The following EFNB2 variants were observed in gnomAD, a reference collection of about 807,000 sequenced individuals.
EFNB2 encodes ephrin-B2.
EFNB2 carries 5 observed loss-of-function variants against 32.1 expected under a neutral mutation model. The ratio of observed to expected loss-of-function variants is 0.16; its 90% CI spans 0.08 to 0.33. EFNB2 has a LOEUF of 0.33. EFNB2 is among the 10% of genes least tolerant of loss of function. EFNB2 has a pLI of 1.00. For synonymous variants in EFNB2, 168 were observed against 166.5 expected (o/e 1.01, Z -0.07); for missense variants, 263 against 422.6 (o/e 0.62, Z 3.31).
rs916300767 is a variant in EFNB2, at chr13:106,523,846, A to G, written c.122+10997T>C. Among the ~76,000 whole-genome samples the G allele has an allele frequency of 9.9e-5, 15 of 152,284 alleles. 2 individuals carry two copies. The highest frequency in any genetic ancestry group is 9.2e-4 in the Admixed American group (14 of 15,298). Reference sequence around the variant, plus strand: ...CACGGATCCCAAAATCCAAAATAAAATGGCATTTAATTGTGACTAGACTCT... The same window carrying G: ...CACGGATCCCAAAATCCAAAATAAAGTGGCATTTAATTGTGACTAGACTCT... On this transcript the variant is annotated intron_variant, in intron 1 of 4. Transcript: ENST00000646441.
At chr13:106,494,805 T>TCTG (rs1175357748) in intron 4 of EFNB2, 76 bp downstream of exon 4, 2 of 1,159,504 alleles carry the variant, frequency 1.7e-6, no homozygotes, top group Non-Finnish European at 2.6e-6. Context: ...GTCTTTAGAC[T>TCTG]CTGCCCTACC....
chr13:106,495,914 A>G, intron 2 of EFNB2, 74 bp from the exon 3 acceptor site: 2 of 1,369,142 alleles, frequency 1.5e-6, no homozygotes, highest in Non-Finnish European at 2.0e-6. Flanking sequence ...GTTTACATGA[A>G]CATGAAATGT....
At chr13:106,511,637 T>C (rs1217719832) in intron 2 of EFNB2, among the ~76,000 whole-genome samples, 2 of 152,196 alleles carry the variant, frequency 1.3e-5, no homozygotes, top group Non-Finnish European at 2.9e-5. Context: ...CTGAAGTCTA[T>C]GGTAACCAAG....
At chr13:106,495,284 T>A (rs1403099086) in intron 3 of EFNB2, among the ~76,000 whole-genome samples, 1 of 152,244 alleles carries the variant, frequency 6.6e-6, no homozygotes, top group Non-Finnish European at 1.5e-5. Flanking sequence ...GATTGACTAC[T>A]ATACCAATTT....
Position 106,493,336 on chromosome 13 carries a change from T to C in EFNB2, c.706A>G (p.Ile236Val), listed in dbSNP as rs1181576254. The C allele has an allele frequency of 1.2e-6, 2 of 1,614,166 alleles. No homozygotes were observed. Among genetic ancestry groups the C allele is most frequent in the Non-Finnish European group, 1.7e-6 (2 of 1,180,032 alleles). ...GTGATGATGATGACGATGAAGATGA[T>C]GCATCCTGAAGCAATCCCTGCAAAT... Reference protein sequence around the residue: ...ALFAGIASGCIIFIVIIITLV... With the variant: ...ALFAGIASGCVIFIVIIITLV... The change falls in exon 5 of 5, where the codon ATC becomes GTC. Residue 236 changes from isoleucine to valine, a missense_variant. Physicochemically the swap from Ile to Val is conservative, Grantham distance 29. Coordinates refer to ENST00000646441, the MANE Select transcript of EFNB2 (RefSeq NM_004093.4). The surrounding 1 kb of genome is among the most constrained non-coding windows in gnomAD (Gnocchi z 6.1).
rs746919388 is a variant in EFNB2 at position 106,493,304 on chromosome 13, C to A, written c.738G>T (p.Val246=). ...TCCTCCGGTACTTCAGCAAGAGGACCACCAGCGTGATGATGATGACGATGA... is the reference window on the plus strand; with the variant it reads ...TCCTCCGGTACTTCAGCAAGAGGACAACCAGCGTGATGATGATGACGATGA... ...IIFIVIIITL[V]VLLLKYRRRH... The change falls in exon 5 of 5, where the codon GTG becomes GTT. Residue 246 remains valine (V), a synonymous_variant. Transcript: ENST00000646441. This position sits in a 1 kb window ranked among gnomAD's most constrained non-coding sequence, Gnocchi z 6.1. 17 of 1,614,008 alleles carry A rather than the reference C, an allele frequency of 1.1e-5. No homozygotes were observed. Among genetic ancestry groups the A allele is most frequent in the Admixed American group, 1.7e-5 (1 of 60,000 alleles).
intron 1 of EFNB2, among the ~76,000 whole-genome samples, chr13:106,529,517 C>G (rs1310410968): frequency 1.3e-5 from 2 of 152,206 alleles, no homozygotes; most frequent in African/African-American, 4.8e-5. Context: ...CTGCCTCAGC[C>G]ATCCCAGACC....
Position 106,518,675 on chromosome 13 carries a change from A to G in EFNB2, c.123-5863T>C, listed in dbSNP as rs1879397092. 1 of 152,280 alleles carries G rather than the reference A, an allele frequency of 6.6e-6. No homozygotes were observed. The highest frequency in any genetic ancestry group is 1.5e-5 in the Non-Finnish European group (1 of 68,116). The allele number at this position is 152,280 out of a possible 1,614,324, so 9.4% of individuals were successfully genotyped here. On this transcript the variant is annotated intron_variant, in intron 1 of 4. Coordinates refer to ENST00000646441, the MANE Select transcript of EFNB2 (RefSeq NM_004093.4). This position sits in a 1 kb window ranked among gnomAD's most constrained non-coding sequence, Gnocchi z 4.1. ...TCTATTTCTGCACTTTGCCCAGTGTAATAGGAGGATCCGTGGGAAGCCAGC... is the reference window on the plus strand; with the variant it reads ...TCTATTTCTGCACTTTGCCCAGTGTGATAGGAGGATCCGTGGGAAGCCAGC...
chr13:106,533,832 G>A (rs1879963554), intron 1 of EFNB2, among the ~76,000 whole-genome samples: 1 of 152,166 alleles, frequency 6.6e-6, no homozygotes, highest in Non-Finnish European at 1.5e-5. Context: ...TGTTTTGGCT[G>A]TGATTCGAAA....
rs909687429 is a variant in EFNB2 at position 106,493,603 on chromosome 13, G to A, written c.614-175C>T. On this transcript the variant is annotated intron_variant, in intron 4 of 4. Coordinates refer to ENST00000646441, the MANE Select transcript of EFNB2 (RefSeq NM_004093.4). This position sits in a 1 kb window ranked among gnomAD's most constrained non-coding sequence, Gnocchi z 6.1. ...AGCTCAACGCAAAAGGAAATGAGAG[G>A]TATCTCTAGGAGGGACTTCCCTACC... Among the ~76,000 whole-genome samples, 1 of 152,136 alleles carries A rather than the reference G, an allele frequency of 6.6e-6. No individual in the cohort carries two copies. Among genetic ancestry groups the A allele is most frequent in the Non-Finnish European group, 1.5e-5 (1 of 68,016 alleles).
chr13:106,534,106 G>A (rs1418056088), intron 1 of EFNB2, among the ~76,000 whole-genome samples: 2 of 152,198 alleles, frequency 1.3e-5, no homozygotes, highest in Admixed American at 6.5e-5. Flanking sequence ...TATAGGAAGT[G>A]CATTACAATC....
At chr13:106,501,995 T>A (rs1378175071) in intron 2 of EFNB2, among the ~76,000 whole-genome samples, 1 of 152,232 alleles carries the variant, frequency 6.6e-6, no homozygotes, top group Non-Finnish European at 1.5e-5. Context: ...GATTAACTCT[T>A]ATTTTGCATG....
chr13:106,530,117 G>A (rs901440529), intron 1 of EFNB2, among the ~76,000 whole-genome samples: 7 of 152,184 alleles, frequency 4.6e-5, no homozygotes, highest in African/African-American at 1.7e-4. Context: ...TGGGAGAAGG[G>A]CTGAATTGCT....
rs1373720074 is a variant in EFNB2 at position 106,493,004 on chromosome 13, TC to T, written c.*35del. On this transcript the variant is annotated 3_prime_UTR_variant, in exon 5 of 5. Coordinates refer to ENST00000646441, the MANE Select transcript of EFNB2 (RefSeq NM_004093.4). This position sits in a 1 kb window ranked among gnomAD's most constrained non-coding sequence, Gnocchi z 6.1. Reference sequence around the variant, plus strand: ...AAGGGAGGCATCGGGACATTAGGTGTCCTCTGGGAAAGCACAGGTACCACCA... The same window carrying T: ...AAGGGAGGCATCGGGACATTAGGTGTCTCTGGGAAAGCACAGGTACCACCA... 6 of 1,568,070 alleles carry T rather than the reference TC, an allele frequency of 3.8e-6. No individual in the cohort carries two copies. The highest frequency in any genetic ancestry group is 5.2e-6 in the Non-Finnish European group (6 of 1,155,728).
At chr13:106,521,648 A>T (rs1286287805) in intron 1 of EFNB2, 1 of 151,734 alleles carries the variant, frequency 6.6e-6, no homozygotes, top group Non-Finnish European at 1.5e-5. Context: ...ATGAAAACTG[A>T]CTCCTTTTGA....
At position 106,493,549 on chromosome 13, in the gene EFNB2, G is replaced by A; in HGVS notation, c.614-121C>T. ...CAGGCTTATTACTAACTAGAAGCTG[G>A]ACTTTGCCTCGCCAATACCTCGTCT... is the stretch of plus-strand genomic sequence containing the variant. On this transcript the variant is annotated intron_variant, in intron 4 of 4. Coordinates refer to ENST00000646441, the MANE Select transcript of EFNB2 (RefSeq NM_004093.4). This position sits in a 1 kb window ranked among gnomAD's most constrained non-coding sequence, Gnocchi z 6.1. 1 of 1,363,080 alleles carries A rather than the reference G, an allele frequency of 7.3e-7. No individual in the cohort carries two copies. The highest frequency in any genetic ancestry group is 1.5e-5 in the South Asian group (1 of 68,460). 84.4% of individuals were successfully genotyped at this position (1,363,080 alleles called of 1,614,324 possible).
chr13:106,507,318 TAA>T (rs1376612272), intron 2 of EFNB2, among the ~76,000 whole-genome samples: 1 of 152,214 alleles, frequency 6.6e-6, no homozygotes, highest in East Asian at 1.9e-4. Context: ...ATCTATATGT[TAA>T]GAGGACATTT....
intron 2 of EFNB2, among the ~76,000 whole-genome samples, chr13:106,508,070 G>A (rs1180383900): frequency 2.6e-5 from 4 of 152,074 alleles, no homozygotes; most frequent in Admixed American, 6.6e-5. Flanking sequence ...ATTTTGCAAG[G>A]TTTTATGCGA....
chr13:106,512,172 G>T (rs2138920703), intron 2 of EFNB2, among the ~76,000 whole-genome samples: 1 of 152,218 alleles, frequency 6.6e-6, no homozygotes, highest in East Asian at 1.9e-4. Flanking sequence ...GGATGGATGG[G>T]TGAAGAGAAA....
Sources: gnomAD v4.1 joint callset for allele counts (sites outside exome capture counted in the v4.1 genomes callset) on GRCh38, gnomAD v4.1.1 for gene constraint, Gnocchi (gnomAD v3.1) non-coding constraint, MANE v1.5 for transcripts, NCBI Gene and HGNC (gene_info 2026-07-23, HGNC 2026-07-21) for gene names.